Variants in C14orf39 observed in about 807,000 individuals in gnomAD.
C14orf39 encodes chromosome 14 open reading frame 39, also known as protein SIX6OS1.
A neutral mutation model predicts 85.6 loss-of-function variants in C14orf39; 66 were observed. The ratio of observed to expected loss-of-function variants is 0.77; its 90% CI spans 0.63 to 0.95. C14orf39 has a LOEUF of 0.95. Ranked by LOEUF, C14orf39 falls within the 40% of genes least tolerant of loss-of-function variation. The pLI, the probability that C14orf39 is intolerant of heterozygous loss-of-function variation, is 0.00. For synonymous variants in C14orf39, 242 were observed against 214.0 expected (o/e 1.13, Z -1.14); for missense variants, 735 against 663.9 (o/e 1.11, Z -1.18).
At chr14:60,490,163 C>T (rs1047554628), upstream of C14orf39, among the ~76,000 whole-genome samples, 25 of 152,136 alleles carry the variant, frequency 1.6e-4, no homozygotes, top group Non-Finnish European at 1.2e-4. Context: ...TTCATCTGTA[C>T]TCCATGTGCA....
At chr14:60,481,935 G>A (rs1892657890) in intron 4 of C14orf39, among the ~76,000 whole-genome samples, 1 of 152,024 alleles carries the variant, frequency 6.6e-6, no homozygotes, top group Admixed American at 6.5e-5. Context: ...TTTGTGTGCA[G>A]TCATATTTAT....
rs1247511033 is a variant in C14orf39, at chr14:60,442,104, G to C, written c.1531C>G (p.Leu511Val). The C allele has an allele frequency of 3.7e-6, 6 of 1,610,016 alleles. No individual in the cohort carries two copies. Among genetic ancestry groups the C allele is most frequent in the East Asian group, 2.2e-5 (1 of 44,648 alleles). Residue 511 changes from leucine to valine, a missense_variant, in exon 17 of 18, where the codon CTA becomes GTA. Coordinates refer to ENST00000321731, the MANE Select transcript of C14orf39 (RefSeq NM_174978.3). ...QFNEHYSARN[L>V]NPLSSEQEIG... The stretch of plus-strand genomic sequence containing the variant: ...TCTTGCTCTGATGACAGAGGATTTA[G>C]ATTTCTTGCAGAATAATGTTCATTA...
intron 13 of C14orf39, among the ~76,000 whole-genome samples, chr14:60,459,984 G>T (rs1324461655): frequency 6.6e-6 from 1 of 151,540 alleles, no homozygotes; most frequent in African/African-American, 2.4e-5. Context: ...TTTCTTTCAT[G>T]ATTGGACTTT....
At chr14:60,509,355 C>T (rs1315686356) in intron 1 of C14orf39, 1 of 1,553,532 alleles carries the variant, frequency 6.4e-7, no homozygotes, top group Non-Finnish European at 8.8e-7. Context: ...TGCTGCGTGT[C>T]CCGCTCCGGG....
intron 16 of C14orf39, among the ~76,000 whole-genome samples, chr14:60,448,385 C>T (rs929487771): frequency 6.6e-6 from 1 of 152,150 alleles, no homozygotes; most frequent in African/African-American, 2.4e-5. Flanking sequence ...TATGAAGACA[C>T]TTCTCAAAAG....
intron 16 of C14orf39, among the ~76,000 whole-genome samples, chr14:60,443,316 C>T (rs1890611557): frequency 6.6e-6 from 1 of 152,204 alleles, no homozygotes; most frequent in African/African-American, 2.4e-5. Flanking sequence ...TACACTCCCG[C>T]CCAAATACTG....
chr14:60,438,622 A>G (rs1319632652), intron 17 of C14orf39, among the ~76,000 whole-genome samples: 1 of 152,148 alleles, frequency 6.6e-6, no homozygotes, highest in African/African-American at 2.4e-5. Context: ...AGGAGATTTT[A>G]TATCTATTTA....
chr14:60,466,076 A>C (rs1891776902), intron 10 of C14orf39, 21 bp from the exon 11 acceptor site: 1 of 1,199,106 alleles, frequency 8.3e-7, no homozygotes, highest in African/African-American at 1.6e-5. Flanking sequence ...AAATAGTACT[A>C]CTTTAAATCA....
At chr14:60,492,864 C>T (rs917136158) in intron 2 of C14orf39, among the ~76,000 whole-genome samples, 6 of 152,092 alleles carry the variant, frequency 3.9e-5, no homozygotes, top group African/African-American at 9.7e-5. Context: ...TTTGCAGCCT[C>T]CAAGAAATAC....
chr14:60,465,076 G>A (rs76085687), intron 11 of C14orf39, among the ~76,000 whole-genome samples: 11 of 151,978 alleles, frequency 7.2e-5, no homozygotes, highest in South Asian at 4.2e-4. Context: ...GTTCATCAGC[G>A]TTCATATCTT....
At chr14:60,478,050 G>A (rs1892468877) in intron 5 of C14orf39, among the ~76,000 whole-genome samples, 1 of 151,618 alleles carries the variant, frequency 6.6e-6, no homozygotes, top group Non-Finnish European at 1.5e-5. Context: ...GCGGTGGCGG[G>A]CGCCTGTAGT....
rs1199197676 is a variant in C14orf39 at position 60,491,482 on chromosome 14, A to G, written c.-8-6396T>C. Among the ~76,000 whole-genome samples the G allele has an allele frequency of 6.6e-6, 1 of 152,188 alleles. No homozygotes were observed. The highest frequency in any genetic ancestry group is 1.5e-5 in the Non-Finnish European group (1 of 68,034). Reference sequence around the variant, plus strand: ...CACAGCACAAGCTCAAACACAGCTCATGTATTTCCCCCACTAATGCTGACC... The same window carrying G: ...CACAGCACAAGCTCAAACACAGCTCGTGTATTTCCCCCACTAATGCTGACC... On this transcript the variant is annotated intron_variant, in intron 2 of 5. Transcript: ENST00000556799. This position sits in a 1 kb window ranked among gnomAD's most constrained non-coding sequence, Gnocchi z 4.5.
chr14:60,510,539 C>T (rs781233582), intron 1 of C14orf39, among the ~76,000 whole-genome samples: 4 of 152,194 alleles, frequency 2.6e-5, no homozygotes, highest in African/African-American at 2.4e-5. Flanking sequence ...TTTCGTTTCC[C>T]GGAGTGTGGA....
chr14:60,502,793 C>A (rs1291198017), intron 1 of C14orf39, among the ~76,000 whole-genome samples: 2 of 152,172 alleles, frequency 1.3e-5, no homozygotes, highest in East Asian at 3.8e-4. Flanking sequence ...ATTTAAAAAT[C>A]TTTATTTCAA....
intron 5 of C14orf39, among the ~76,000 whole-genome samples, chr14:60,472,442 G>A (rs1052030054): frequency 2.0e-5 from 3 of 151,992 alleles, no homozygotes; most frequent in Non-Finnish European, 4.4e-5. Flanking sequence ...GGGTATATGT[G>A]CACAACGTGC....
Position 60,447,598 on chromosome 14 carries a change from C to T in C14orf39, c.1504-5467G>A, listed in dbSNP as rs564428186. The stretch of plus-strand genomic sequence containing the variant: ...GCTCATGGATAGAAAGACTCAATAT[C>T]GTGAAAATGGCCATACTGCCCAAGA... On this transcript the variant is annotated intron_variant, in intron 16 of 17. Transcript: ENST00000321731. Among the ~76,000 whole-genome samples the T allele has an allele frequency of 2.4e-3, 359 of 152,202 alleles. 1 individual carries two copies. Among genetic ancestry groups the T allele is most frequent in the Non-Finnish European group, 2.7e-3 (186 of 68,004 alleles).
chr14:60,464,191 A>G (rs1891670357), intron 11 of C14orf39, among the ~76,000 whole-genome samples: 1 of 152,180 alleles, frequency 6.6e-6, no homozygotes, highest in African/African-American at 2.4e-5. Flanking sequence ...CCTTCTGACC[A>G]TGAAGTGACC....
intron 1 of C14orf39, chr14:60,509,381 G>GC: frequency 6.3e-7 from 1 of 1,598,136 alleles, no homozygotes; most frequent in South Asian, 1.1e-5. Context: ...TGCCCTCGCC[G>GC]CCGCCGGCAC....
At chr14:60,503,036 T>C (rs1275866583) in intron 1 of C14orf39, among the ~76,000 whole-genome samples, 1 of 152,262 alleles carries the variant, frequency 6.6e-6, no homozygotes, top group Non-Finnish European at 1.5e-5. Context: ...ATCACTGTTA[T>C]TCTTTTGGAA....
Sources: allele counts gnomAD v4.1 joint callset (sites outside exome capture counted in the v4.1 genomes callset), GRCh38; gene constraint gnomAD v4.1.1; non-coding constraint Gnocchi (gnomAD v3.1); transcripts MANE v1.5; gene names NCBI Gene and HGNC (gene_info 2026-07-23, HGNC 2026-07-21).